The following GABARAPL2 variants were observed in gnomAD, a reference collection of about 807,000 sequenced individuals.
The protein encoded by GABARAPL2 is gamma-aminobutyric acid receptor-associated protein-like 2.
A neutral mutation model predicts 16.9 loss-of-function variants in GABARAPL2; 11 were observed. That is an observed-to-expected ratio of 0.65 (90% confidence interval 0.41 to 1.08). GABARAPL2 has a LOEUF of 1.08. GABARAPL2 is among the 50% of genes least tolerant of loss of function. The pLI is 0.00. For synonymous variants in GABARAPL2, 57 were observed against 50.7 expected (o/e 1.12, Z -0.53); for missense variants, 134 against 142.5 (o/e 0.94, Z 0.30).
At chr16:75,573,470 C>T (rs753638801) in intron 3 of GABARAPL2, among the ~76,000 whole-genome samples, 8 of 152,204 alleles carry the variant, frequency 5.3e-5, no homozygotes, top group Non-Finnish European at 1.0e-4. Context: ...AAGGGGTATC[C>T]TGACTATAAG....
intron 3 of GABARAPL2, among the ~76,000 whole-genome samples, chr16:75,568,950 T>A (rs1044103046): frequency 1.3e-5 from 2 of 152,186 alleles, no homozygotes; most frequent in Non-Finnish European, 2.9e-5. Context: ...AGTGGGTAGT[T>A]GTAGGCCCTG....
chr16:75,571,129 G>T (rs1647107408), intron 3 of GABARAPL2, among the ~76,000 whole-genome samples: 1 of 152,062 alleles, frequency 6.6e-6, no homozygotes, highest in African/African-American at 2.4e-5. Context: ...ACCCTGGCTG[G>T]AGTGCAGTGG....
At chr16:75,567,198 T>A (rs1477117115) in intron 2 of GABARAPL2, among the ~76,000 whole-genome samples, 1 of 152,214 alleles carries the variant, frequency 6.6e-6, no homozygotes, top group African/African-American at 2.4e-5. Context: ...GGGCAACAGG[T>A]CACTGCCACT....
intron 3 of GABARAPL2, among the ~76,000 whole-genome samples, chr16:75,575,440 C>A (rs1166551346): frequency 6.6e-6 from 1 of 151,930 alleles, no homozygotes; most frequent in South Asian, 2.1e-4. Flanking sequence ...GGATGACAGG[C>A]GTGCACTACC....
In GABARAPL2 at chr16:75,577,301, G is replaced by C. The variant is rs759465042; in HGVS notation, c.286G>C (p.Glu96Gln). The C allele has an allele frequency of 1.2e-6, 2 of 1,611,688 alleles. No individual in the cohort carries two copies. The highest frequency in any genetic ancestry group is 8.5e-7 in the Non-Finnish European group (1 of 1,177,836). The change falls in exon 4 of 4, where the codon GAG becomes CAG. Residue 96 changes from glutamate (E) to glutamine (Q), a missense_variant. Transcript: ENST00000037243. ...AAGCCTAACTATGGGACAGCTTTAC[G>C]AGAAGGAAAAAGATGAAGATGGATT... ...QSSLTMGQLY[E>Q]KEKDEDGFLY...
In GABARAPL2 at chr16:75,577,623, A is replaced by G; in HGVS notation, c.*254A>G. ...CAGGAAACTTGTCCTTCTGGAAATCATATTGAATGATATTTCTATATCGAA... is the reference window on the plus strand; with the variant it reads ...CAGGAAACTTGTCCTTCTGGAAATCGTATTGAATGATATTTCTATATCGAA... On this transcript the variant is annotated 3_prime_UTR_variant, in exon 4 of 4. Coordinates refer to ENST00000037243, the MANE Select transcript of GABARAPL2 (RefSeq NM_007285.7). The G allele has an allele frequency of 2.8e-6, 1 of 363,126 alleles. No individual in the cohort carries two copies. Among genetic ancestry groups the G allele is most frequent in the Non-Finnish European group, 5.0e-6 (1 of 198,754 alleles). The allele number at this position is 363,126 out of a possible 1,614,324, so 22.5% of individuals were successfully genotyped here.
chr16:75,570,966 T>G (rs2080910700), intron 3 of GABARAPL2, among the ~76,000 whole-genome samples: 1 of 152,220 alleles, frequency 6.6e-6, no homozygotes, highest in African/African-American at 2.4e-5. Context: ...AACTCAGACC[T>G]GGCAGTGAAT....
At chr16:75,570,872 G>A (rs557113042) in intron 3 of GABARAPL2, among the ~76,000 whole-genome samples, 57 of 152,234 alleles carry the variant, frequency 3.7e-4, no homozygotes, top group South Asian at 6.2e-4. Context: ...GGCCAAAAAC[G>A]GAATGGGGAA....
At position 75,577,318 on chromosome 16, in the gene GABARAPL2, A is replaced by C. The variant is rs762729859; in HGVS notation, c.303A>C (p.Glu101Asp). 1.2e-6 allele frequency: 2 copies of C among 1,613,082 alleles called. No homozygotes were observed. Among genetic ancestry groups the C allele is most frequent in the Non-Finnish European group, 1.7e-6 (2 of 1,179,012 alleles). Residue 101 changes from glutamate (E) to aspartate (D), a missense_variant, in exon 4 of 4, where the codon GAA becomes GAC. Transcript: ENST00000037243. ...MGQLYEKEKD[E>D]DGFLYVAYSG... ...AGCTTTACGAGAAGGAAAAAGATGA[A>C]GATGGATTCTTATATGTGGCCTACA...
Position 75,566,409 on chromosome 16 carries a change from C to A in GABARAPL2, c.-78C>A, listed in dbSNP as rs569127449. 14 of 1,111,770 alleles carry A rather than the reference C, an allele frequency of 1.3e-5. No individual in the cohort carries two copies. The highest frequency in any genetic ancestry group is 2.0e-5 in the Admixed American group (1 of 50,448). 68.9% of individuals were successfully genotyped at this position (1,111,770 alleles called of 1,614,324 possible). ...CCGCCGTCGCTGCCGCTGCCGCTGC[C>A]GCCGTCGTTGTTGTTGTGCTCGGTG... On this transcript the variant is annotated 5_prime_UTR_variant, in exon 1 of 4. Transcript: ENST00000037243.
intron 3 of GABARAPL2, chr16:75,572,466 G>A (rs964149379): frequency 6.6e-6 from 1 of 152,348 alleles, no homozygotes; most frequent in African/African-American, 2.4e-5. Flanking sequence ...GCGAACGTAG[G>A]TTCTCTAGGG....
intron 3 of GABARAPL2, among the ~76,000 whole-genome samples, chr16:75,573,875 A>C (rs1038568646): frequency 1.3e-5 from 2 of 152,194 alleles, no homozygotes; most frequent in South Asian, 2.1e-4. Flanking sequence ...TTTCCTATCT[A>C]GGAACTATGG....
chr16:75,575,836 A>G (rs2080946236), intron 3 of GABARAPL2: 1 of 152,168 alleles, frequency 6.6e-6, no homozygotes, highest in Admixed American at 6.5e-5. Flanking sequence ...TCCACTTAAT[A>G]TATTTTATTT....
In GABARAPL2 at chr16:75,568,054, C is replaced by T. The variant is rs771872766; in HGVS notation, c.108C>T (p.Val36=). 19 of 1,606,960 alleles carry T rather than the reference C, an allele frequency of 1.2e-5. No homozygotes were observed. The highest frequency in any genetic ancestry group is 1.5e-5 in the Non-Finnish European group (18 of 1,174,416). Reference sequence around the variant, plus strand: ...TTTCCCAGGTGATTGTGGAAAAGGTCTCAGGCTCTCAGATTGTTGACATTG... The same window carrying T: ...TTTCCCAGGTGATTGTGGAAAAGGTTTCAGGCTCTCAGATTGTTGACATTG... The part of the protein sequence containing the change: ...PDRVPVIVEK[V]SGSQIVDIDK... The change falls in exon 3 of 4, where the codon GTC becomes GTT. Residue 36 remains valine (V), a synonymous_variant. Coordinates refer to ENST00000037243, the MANE Select transcript of GABARAPL2 (RefSeq NM_007285.7).
At chr16:75,574,807 C>CCCTGTAA (rs1555506397) in intron 3 of GABARAPL2, among the ~76,000 whole-genome samples, 1 of 147,436 alleles carries the variant, frequency 6.8e-6, no homozygotes. Context: ...GGTGGCTCAC[C>CCCTGTAA]TGAGGTCAGG....
At chr16:75,568,534 C>T in intron 3 of GABARAPL2, 1 of 179,454 alleles carries the variant, frequency 5.6e-6, no homozygotes, top group Non-Finnish European at 1.2e-5. Context: ...GGTTTTCTTC[C>T]CTGAAGGCAG....
intron 3 of GABARAPL2, among the ~76,000 whole-genome samples, chr16:75,570,360 G>C (rs867646472): frequency 6.6e-6 from 1 of 152,180 alleles, no homozygotes; most frequent in Non-Finnish European, 1.5e-5. Context: ...AAGTGCTACA[G>C]GGTCCTTCCT....
chr16:75,575,317 C>CA (rs1173606932), intron 3 of GABARAPL2, among the ~76,000 whole-genome samples: 2 of 150,414 alleles, frequency 1.3e-5, no homozygotes, highest in Non-Finnish European at 3.0e-5. Context: ...TTTTTTGAGA[C>CA]AGAGTTTTGC....
intron 1 of GABARAPL2, 51 bp downstream of exon 1, chr16:75,566,571 G>GC: frequency 1.3e-6 from 2 of 1,594,326 alleles, no homozygotes; most frequent in Non-Finnish European, 1.7e-6. Flanking sequence ...CGGCGGGTGG[G>GC]CCCCCTCCCC....
Sources: gnomAD v4.1 joint callset for allele counts (sites outside exome capture counted in the v4.1 genomes callset) on GRCh38, gnomAD v4.1.1 for gene constraint, MANE v1.5 for transcripts, NCBI Gene and HGNC (gene_info 2026-07-23, HGNC 2026-07-21) for gene names.